BANP: variants seen among roughly 807,000 people sequenced by gnomAD.
BANP encodes the protein BTG3 associated nuclear protein, also known as protein BANP.
In BANP, 11 loss-of-function variants were observed where a neutral mutation model predicts 68.1. The ratio of observed to expected loss-of-function variants is 0.16; its 90% confidence interval spans 0.10 to 0.27. The LOEUF is 0.27. Ranked by LOEUF, BANP falls within the 10% of genes least tolerant of loss-of-function variation. The pLI is 1.00. For missense variants in BANP, 504 were observed against 722.7 expected (o/e 0.70, Z 3.47); for synonymous variants, 329 against 303.2 (o/e 1.09, Z -0.88).
At chr16:87,963,187 G>A (rs2059481036) in intron 1 of BANP, among the ~76,000 whole-genome samples, 1 of 152,124 alleles carries the variant, frequency 6.6e-6, no homozygotes. Flanking sequence ...GACGATCTGG[G>A]GATGGGCTGG....
At chr16:87,993,959 T>A (rs1331428666) in intron 4 of BANP, among the ~76,000 whole-genome samples, 1 of 152,002 alleles carries the variant, frequency 6.6e-6, no homozygotes, top group Admixed American at 6.5e-5. Context: ...TTGTGAGTGC[T>A]TGTCCCAGCC....
chr16:88,069,758 A>G (rs989972628), intron 12 of BANP, among the ~76,000 whole-genome samples: 1 of 152,218 alleles, frequency 6.6e-6, no homozygotes, highest in African/African-American at 2.4e-5. Flanking sequence ...GTCCGTCACC[A>G]AAAAACGAAC....
intron 11 of BANP, among the ~76,000 whole-genome samples, chr16:88,052,209 ATG>A (rs2152828905): frequency 6.6e-6 from 1 of 152,318 alleles, no homozygotes; most frequent in African/African-American, 2.4e-5. Context: ...TTCAGCTCAA[ATG>A]TAGCATATGG....
At chr16:88,026,037 C>G (rs1285479441) in intron 7 of BANP, among the ~76,000 whole-genome samples, 1 of 152,184 alleles carries the variant, frequency 6.6e-6, no homozygotes, top group African/African-American at 2.4e-5. Flanking sequence ...GGCGCTGGCT[C>G]CCTCCTGTCA....
At chr16:88,035,417 A>C in intron 10 of BANP, 23 bp downstream of exon 10, 1 of 1,590,246 alleles carries the variant, frequency 6.3e-7, no homozygotes, top group South Asian at 1.1e-5. Flanking sequence ...TCGCTGCAGC[A>C]CTGTCCCTGC....
intron 4 of BANP, among the ~76,000 whole-genome samples, chr16:87,998,115 T>G (rs2152525963): frequency 6.6e-6 from 1 of 152,302 alleles, no homozygotes; most frequent in Admixed American, 6.5e-5. Flanking sequence ...GGAAGCTCAC[T>G]CTTGAATTCC....
chr16:87,991,317 CATA>C (rs1313418017), intron 4 of BANP, among the ~76,000 whole-genome samples: 9 of 152,206 alleles, frequency 5.9e-5, no homozygotes, highest in African/African-American at 2.2e-4. Flanking sequence ...GAATTATTAA[CATA>C]ATCATATGCT....
Position 88,064,110 on chromosome 16 carries a change from C to T in BANP, c.1312-1157C>T, listed in dbSNP as rs552426922. Among the ~76,000 whole-genome samples the T allele has an allele frequency of 6.6e-6, 1 of 150,424 alleles. No individual in the cohort carries two copies. The highest frequency in any genetic ancestry group is 2.0e-4 in the East Asian group (1 of 5,074). ...GTGGGGGCCAACCACAAGCAGGCAC[C>T]GGCGCTGGGGGACCAGGGTCAGGGG... On this transcript the variant is annotated intron_variant, in intron 11 of 13. Transcript: ENST00000682872. This position sits in a 1 kb window ranked among gnomAD's most constrained non-coding sequence, Gnocchi z 4.5.
At chr16:88,043,379 C>A (rs995199803) in intron 11 of BANP, among the ~76,000 whole-genome samples, 11 of 152,142 alleles carry the variant, frequency 7.2e-5, no homozygotes, top group Non-Finnish European at 1.3e-4. Context: ...AGAAATGGCT[C>A]CTTCGTCAGC....
intron 7 of BANP, among the ~76,000 whole-genome samples, chr16:88,019,065 C>T (rs1185721471): frequency 6.6e-6 from 1 of 152,174 alleles, no homozygotes. Flanking sequence ...GGAGTGCCAC[C>T]TGCCTCCTTC....
chr16:88,069,215 G>A (rs1271862000), intron 12 of BANP, among the ~76,000 whole-genome samples: 2 of 152,202 alleles, frequency 1.3e-5, no homozygotes, highest in Admixed American at 6.5e-5. Flanking sequence ...CCTCCTCCTC[G>A]GTGCAGCAAC....
At chr16:87,999,050 G>A (rs946924097) in intron 4 of BANP, among the ~76,000 whole-genome samples, 2 of 130,664 alleles carry the variant, frequency 1.5e-5, no homozygotes, top group Non-Finnish European at 3.2e-5. Context: ...GTACTTACCT[G>A]TCCTTCCAGA....
intron 7 of BANP, 83 bp from the exon 8 acceptor site, chr16:88,027,400 C>T (rs1258406363): frequency 1.8e-5 from 28 of 1,513,916 alleles, no homozygotes; most frequent in Admixed American, 8.8e-5. Context: ...GCCTCTTCAG[C>T]GGGCCCCGGC....
chr16:87,953,666 C>T (rs1044798924), intron 1 of BANP, among the ~76,000 whole-genome samples: 3 of 152,176 alleles, frequency 2.0e-5, no homozygotes, highest in African/African-American at 4.8e-5. Flanking sequence ...TCCTGTACAG[C>T]GTGGATTTTT....
At chr16:88,058,020 G>T (rs939911100) in intron 11 of BANP, among the ~76,000 whole-genome samples, 1 of 152,178 alleles carries the variant, frequency 6.6e-6, no homozygotes, top group Non-Finnish European at 1.5e-5. Context: ...GGGAAGAAAG[G>T]GTTCAAGCGT....
intron 1 of BANP, among the ~76,000 whole-genome samples, chr16:87,968,908 G>A (rs1023712526): frequency 2.6e-4 from 40 of 152,244 alleles, no homozygotes; most frequent in African/African-American, 9.6e-4. Flanking sequence ...AAATGCACAG[G>A]ATAAAAATGG....
chr16:88,010,560 A>T (rs1201605895), intron 6 of BANP, among the ~76,000 whole-genome samples: 2 of 152,200 alleles, frequency 1.3e-5, no homozygotes, highest in African/African-American at 2.4e-5. Context: ...GTTGTCCCAG[A>T]CCTCGTTGTC....
intron 11 of BANP, among the ~76,000 whole-genome samples, chr16:88,045,987 G>A (rs2081935586): frequency 6.6e-6 from 1 of 152,242 alleles, no homozygotes; most frequent in Non-Finnish European, 1.5e-5. Flanking sequence ...CCAGCCTCCG[G>A]GCTGCCCTTG....
chr16:87,975,059 C>T lies in BANP; in HGVS notation c.-57C>T, dbSNP rs962457248. ...CTTCTGTTTGGTAGGTGACCAAAAG[C>T]CAGCCCCACTGTGAGTTGAACTCTT... is the stretch of plus-strand genomic sequence containing the variant. On this transcript the variant is annotated 5_prime_UTR_variant, in exon 2 of 14. Transcript: ENST00000682872. 83 of 1,508,996 alleles carry T rather than the reference C, an allele frequency of 5.5e-5. No individual in the cohort carries two copies. The African/African-American group carries it at 1.0e-3, about 18-fold the overall frequency. 93.5% of individuals were successfully genotyped at this position (1,508,996 alleles called of 1,614,324 possible).
Sources: allele counts gnomAD v4.1 joint callset (sites outside exome capture counted in the v4.1 genomes callset), GRCh38; gene constraint gnomAD v4.1.1; non-coding constraint Gnocchi (gnomAD v3.1); transcripts MANE v1.5; gene names NCBI Gene and HGNC (gene_info 2026-07-23, HGNC 2026-07-21).